Variants in ROBO1 observed in about 807,000 individuals in gnomAD.
ROBO1 encodes roundabout guidance receptor 1.
Under a neutral mutation model 195.9 loss-of-function variants are expected in ROBO1, and 149 were observed. That is an observed-to-expected ratio of 0.76 (90% CI 0.67 to 0.87). The LOEUF is 0.87. Ranked by LOEUF, ROBO1 falls within the 40% of genes least tolerant of loss-of-function variation. ROBO1 has a pLI of 0.00. For synonymous variants in ROBO1, 816 were observed against 733.2 expected, an observed-to-expected ratio of 1.11 and a Z score of -1.82; for missense variants, 1,933 against 2,068.3, an observed-to-expected ratio of 0.93 and a Z score of 1.27.
intron 4 of ROBO1, among the ~76,000 whole-genome samples, chr3:78,799,739 C>T (rs893887329): frequency 2.6e-5 from 4 of 152,080 alleles, no homozygotes; most frequent in African/African-American, 9.7e-5. Context: ...CCACCTACTG[C>T]GTCTATGATT....
chr3:79,054,068 G>T (rs1471359511), intron 3 of ROBO1, among the ~76,000 whole-genome samples: 1 of 152,066 alleles, frequency 6.6e-6, no homozygotes, highest in Non-Finnish European at 1.5e-5. Context: ...CCCCATCTCA[G>T]CATTTACAAT....
At chr3:79,311,049 G>T in intron 2 of ROBO1, among the ~76,000 whole-genome samples, 1 of 152,096 alleles carries the variant, frequency 6.6e-6, no homozygotes, top group South Asian at 2.1e-4. Context: ...CTTGCTTCAT[G>T]ACTAATGGCT....
chr3:79,304,823 T>G (rs1408600782), intron 2 of ROBO1, among the ~76,000 whole-genome samples: 1 of 152,264 alleles, frequency 6.6e-6, no homozygotes, highest in Non-Finnish European at 1.5e-5. Flanking sequence ...TGTTTACATT[T>G]CTGTGTACAT....
At chr3:78,807,476 T>C (rs903723952) in intron 4 of ROBO1, among the ~76,000 whole-genome samples, 3 of 152,202 alleles carry the variant, frequency 2.0e-5, no homozygotes, top group African/African-American at 7.2e-5. Context: ...TTTCTTCTTT[T>C]GGTGAAAAAT....
chr3:78,609,655 A>G (rs996208554), intron 28 of ROBO1, among the ~76,000 whole-genome samples: 1 of 152,126 alleles, frequency 6.6e-6, no homozygotes, highest in Non-Finnish European at 1.5e-5. Context: ...TTTTTAGCCA[A>G]TCCCTATAGA....
chr3:79,631,497 A>G (rs943349424), intron 1 of ROBO1, among the ~76,000 whole-genome samples: 2 of 152,072 alleles, frequency 1.3e-5, no homozygotes, highest in East Asian at 1.9e-4. Flanking sequence ...GAGATGGATT[A>G]AAGACTTAAT....
In ROBO1 at chr3:78,732,107, G is replaced by C. The variant is rs1285388132; in HGVS notation, c.658-14224C>G. Reference sequence around the variant, plus strand: ...ATCAAAACTTGCTCCAGATCATTTGGTAAGTACACTGAAGCTCATTCTACA... The same window carrying C: ...ATCAAAACTTGCTCCAGATCATTTGCTAAGTACACTGAAGCTCATTCTACA... On this transcript the variant is annotated intron_variant, in intron 5 of 30. Transcript: ENST00000464233. 2.6e-5 allele frequency among the ~76,000 whole-genome samples: 4 copies of C among 152,170 alleles called. No individual in the cohort carries two copies. The East Asian group carries it at 7.7e-4, about 29-fold the overall frequency.
intron 4 of ROBO1, among the ~76,000 whole-genome samples, chr3:78,756,154 G>A (rs1286859466): frequency 3.3e-5 from 5 of 151,984 alleles, no homozygotes; most frequent in African/African-American, 1.2e-4. Flanking sequence ...ATGACCGCTA[G>A]TCATTGATAT....
At chr3:79,121,623 T>C (rs2080117839) in intron 3 of ROBO1, among the ~76,000 whole-genome samples, 1 of 152,034 alleles carries the variant, frequency 6.6e-6, no homozygotes. Flanking sequence ...GATAATCTTT[T>C]AGTTTTAAGA....
At chr3:79,148,670 T>C (rs1482001908) in intron 2 of ROBO1, among the ~76,000 whole-genome samples, 1 of 151,968 alleles carries the variant, frequency 6.6e-6, no homozygotes, top group Middle Eastern at 3.4e-3. Flanking sequence ...AAGTAAGTTG[T>C]TAAATTCTGA....
chr3:78,898,985 C>T (rs917721650), intron 4 of ROBO1, among the ~76,000 whole-genome samples: 1 of 152,072 alleles, frequency 6.6e-6, no homozygotes, highest in Non-Finnish European at 1.5e-5. Flanking sequence ...TAGCGCATCC[C>T]CAAACTCCAG....
chr3:79,125,683 C>A, intron 2 of ROBO1, 144 bp from the exon 3 acceptor site: 1 of 659,214 alleles, frequency 1.5e-6, no homozygotes, highest in Non-Finnish European at 2.8e-6. Flanking sequence ...TTCATCCTTG[C>A]CCCTCCTGCG....
At chr3:78,628,088 G>C (rs537120039) in intron 25 of ROBO1, among the ~76,000 whole-genome samples, 27 of 152,036 alleles carry the variant, frequency 1.8e-4, no homozygotes, top group Admixed American at 7.9e-4. Context: ...TGAGTAGCTG[G>C]GATTACAGGT....
chr3:78,942,978 G>T (rs1456724476), intron 3 of ROBO1, among the ~76,000 whole-genome samples: 1 of 151,990 alleles, frequency 6.6e-6, no homozygotes, highest in African/African-American at 2.4e-5. Context: ...ACTTCGGGAG[G>T]CCAAGGCGGG....
At chr3:79,311,222 C>T (rs933093381) in intron 2 of ROBO1, among the ~76,000 whole-genome samples, 1 of 152,092 alleles carries the variant, frequency 6.6e-6, no homozygotes, top group Non-Finnish European at 1.5e-5. Context: ...ACAAAAAGAC[C>T]TGTCTTCATA....
In ROBO1 at chr3:78,714,458, G is replaced by A. The variant is rs1477691009; in HGVS notation, c.984C>T (p.Tyr328=). 6.2e-7 allele frequency: 1 copy of A among 1,613,196 alleles called. No individual in the cohort carries two copies. The highest frequency in any genetic ancestry group is 1.3e-5 in the African/African-American group (1 of 75,020). ...CCACCATATTTTCTGCAACACAAGT[G>A]TATGAACCCATGTCACCAGCTGTCA... ...RKVTAGDMGS[Y]TCVAENMVGK... Residue 328 remains tyrosine (Y), a synonymous_variant, in exon 8 of 31, where the codon TAC becomes TAT. Coordinates refer to ENST00000464233, the MANE Select transcript of ROBO1 (RefSeq NM_002941.4).
chr3:78,829,931 G>T (rs1369710433), intron 4 of ROBO1, among the ~76,000 whole-genome samples: 1 of 152,056 alleles, frequency 6.6e-6, no homozygotes, highest in Non-Finnish European at 1.5e-5. Flanking sequence ...TAAAAACAGA[G>T]AAATTGGGCA....
intron 2 of ROBO1, among the ~76,000 whole-genome samples, chr3:79,385,787 A>G (rs1286819044): frequency 6.6e-6 from 1 of 152,192 alleles, no homozygotes; most frequent in Non-Finnish European, 1.5e-5. Context: ...TAATAAAAAA[A>G]CATACCTGGG....
At chr3:79,453,962 T>G (rs2039530252) in intron 2 of ROBO1, among the ~76,000 whole-genome samples, 3 of 152,058 alleles carry the variant, frequency 2.0e-5, no homozygotes, top group Non-Finnish European at 4.4e-5. Context: ...TTTTCTGTTG[T>G]GATAGGAACT....
Sources: gnomAD v4.1 joint callset for allele counts (sites outside exome capture counted in the v4.1 genomes callset) on GRCh38, gnomAD v4.1.1 for gene constraint, MANE v1.5 for transcripts, NCBI Gene and HGNC (gene_info 2026-07-23, HGNC 2026-07-21) for gene names.